IQSEC1: variants seen among roughly 807,000 people sequenced by gnomAD.
The protein encoded by IQSEC1 is IQ motif and Sec7 domain ArfGEF 1.
A neutral mutation model predicts 91.0 loss-of-function variants in IQSEC1; 31 were observed. That is an observed-to-expected ratio of 0.34 (90% CI 0.26 to 0.46). The LOEUF is 0.46. IQSEC1 is among the 20% of genes least tolerant of loss of function. The pLI is 1.00. For synonymous variants in IQSEC1, 699 were observed against 662.6 expected (o/e 1.05, Z -0.84); for missense variants, 1,388 against 1,575.6 (o/e 0.88, Z 2.02).
rs913733603 is a variant in IQSEC1, at chr3:12,908,016, C to T, written c.2755+333G>A. On this transcript the variant is annotated intron_variant, in intron 12 of 13. Coordinates refer to ENST00000613206, the MANE Select transcript of IQSEC1 (RefSeq NM_001134382.3). The surrounding 1 kb of genome is among the most constrained non-coding windows in gnomAD (Gnocchi z 4.9). ...GCGGCCGCACAGAGAGCACGGGACA[C>T]AGCCGCCGGCTCACTCGGGCTAGAG... 6.6e-6 allele frequency among the ~76,000 whole-genome samples: 1 copy of T among 152,222 alleles called. No homozygotes were observed. The highest frequency in any genetic ancestry group is 1.5e-5 in the Non-Finnish European group (1 of 68,034).
chr3:13,172,047 A>G (rs1693626435), intron 1 of IQSEC1, among the ~76,000 whole-genome samples: 1 of 152,212 alleles, frequency 6.6e-6, no homozygotes, highest in Non-Finnish European at 1.5e-5. Flanking sequence ...CCACAGGAGC[A>G]GGTGGGAGAG....
rs1246772349 is a variant in IQSEC1 at position 12,936,440 on chromosome 3, C to T, written c.576G>A (p.Leu192=). Residue 192 remains leucine, a synonymous_variant, in exon 3 of 14, where the codon CTG becomes CTA. Coordinates refer to ENST00000613206, the MANE Select transcript of IQSEC1 (RefSeq NM_001134382.3). ...QVSVTNDGSQ[L]GALVSPECGD... ...CACACTCAGGGGACACCAGGGCTCC[C>T]AGCTGGGAGCCGTCGTTAGTCACTG... The T allele has an allele frequency of 6.2e-7, 1 of 1,604,120 alleles. No homozygotes were observed. Among genetic ancestry groups the T allele is most frequent in the African/African-American group, 1.3e-5 (1 of 74,724 alleles).
chr3:12,995,213 C>G (rs371506145), intron 1 of IQSEC1: 2 of 152,258 alleles, frequency 1.3e-5, no homozygotes, highest in Non-Finnish European at 2.9e-5. Context: ...AGAAGCTGAG[C>G]GAGTGATGTC....
chr3:13,107,282 C>G (rs1706165879), intron 2 of IQSEC1, among the ~76,000 whole-genome samples: 1 of 152,220 alleles, frequency 6.6e-6, no homozygotes, highest in Non-Finnish European at 1.5e-5. Flanking sequence ...AAGCCCTTTC[C>G]TACTTACAAG....
chr3:12,922,314 G>C lies in IQSEC1; in HGVS notation c.1731-72C>G. ...GACACGCCCAGCCCACCCCCAGGTGGTGGTGCCTGAAGCCCTGGGAATGGA... is the reference window on the plus strand; with the variant it reads ...GACACGCCCAGCCCACCCCCAGGTGCTGGTGCCTGAAGCCCTGGGAATGGA... On this transcript the variant is annotated intron_variant, in intron 4 of 13. Coordinates refer to ENST00000613206, the MANE Select transcript of IQSEC1 (RefSeq NM_001134382.3). This position sits in a 1 kb window ranked among gnomAD's most constrained non-coding sequence, Gnocchi z 5.1. 3 of 1,451,610 alleles carry C rather than the reference G, an allele frequency of 2.1e-6. No individual in the cohort carries two copies. Among genetic ancestry groups the C allele is most frequent in the Non-Finnish European group, 2.8e-6 (3 of 1,090,436 alleles). The allele number at this position is 1,451,610 out of a possible 1,614,324, so 89.9% of individuals were successfully genotyped here.
At chr3:13,023,929 G>A (rs1703506571) in intron 1 of IQSEC1, among the ~76,000 whole-genome samples, 2 of 152,150 alleles carry the variant, frequency 1.3e-5, no homozygotes, top group South Asian at 4.1e-4. Flanking sequence ...CACCCCCAAT[G>A]ATGTGAAGCT....
intron 2 of IQSEC1, among the ~76,000 whole-genome samples, chr3:13,120,912 G>A (rs1706412955): frequency 1.3e-5 from 2 of 152,174 alleles, no homozygotes; most frequent in Non-Finnish European, 2.9e-5. Context: ...GCTGCATTAG[G>A]GATTAAATAT....
chr3:13,196,790 G>GT (rs1694137545), intron 1 of IQSEC1, among the ~76,000 whole-genome samples: 2 of 148,012 alleles, frequency 1.4e-5, no homozygotes, highest in East Asian at 4.0e-4. Context: ...GTGTGTGTGT[G>GT]GTGGGGAGCA....
chr3:12,915,229 G>C (rs537067506), intron 7 of IQSEC1, 96 bp from the exon 8 acceptor site: 6 of 1,339,860 alleles, frequency 4.5e-6, no homozygotes, highest in Admixed American at 3.9e-5. Flanking sequence ...CTACCCTTGG[G>C]ATCCACCCAG....
At chr3:13,063,818 G>A (rs543169503) in intron 1 of IQSEC1, among the ~76,000 whole-genome samples, 1 of 152,314 alleles carries the variant, frequency 6.6e-6, no homozygotes, top group Non-Finnish European at 1.5e-5. Flanking sequence ...CAGGTGTCAG[G>A]GAGTGGAGGG....
chr3:12,915,232 C>T (rs1695965079), intron 7 of IQSEC1, 99 bp from the exon 8 acceptor site: 3 of 1,319,868 alleles, frequency 2.3e-6, no homozygotes. Flanking sequence ...CCCTTGGGAT[C>T]CACCCAGCCA....
At chr3:13,129,893 C>T (rs1706582369) in intron 2 of IQSEC1, among the ~76,000 whole-genome samples, 1 of 151,812 alleles carries the variant, frequency 6.6e-6, no homozygotes, top group Non-Finnish European at 1.5e-5. Flanking sequence ...CTCCTGACCT[C>T]ATGATCCACC....
intron 1 of IQSEC1, among the ~76,000 whole-genome samples, chr3:13,035,508 T>G (rs1704001694): frequency 6.6e-6 from 1 of 152,168 alleles, no homozygotes; most frequent in African/African-American, 2.4e-5. Context: ...TCATTTCAAC[T>G]TACTCCATTA....
rs776684248 is a variant in IQSEC1, at chr3:12,936,478, C to T, written c.538G>A (p.Gly180Arg). The T allele has an allele frequency of 1.2e-6, 2 of 1,611,932 alleles. No individual in the cohort carries two copies. Among genetic ancestry groups the T allele is most frequent in the Admixed American group, 3.3e-5 (2 of 59,978 alleles). The change falls in exon 3 of 14, where the codon GGG becomes AGG. Residue 180 changes from glycine to arginine, a missense_variant. Around this residue, in one of 2 missense-constraint regions of IQSEC1, gnomAD observed 1,059 missense variants for 1,317.8 expected, o/e 0.80. Coordinates refer to ENST00000613206, the MANE Select transcript of IQSEC1 (RefSeq NM_001134382.3). ...TCGTTAGTCACTGAGACCTGCTTCC[C>T]CTCGAAGTAGGAGCTGTGCACTTTC... ...PEKVHSSYFE[G>R]KQVSVTNDGS...
chr3:12,944,494 T>C (rs1460430807), intron 1 of IQSEC1, among the ~76,000 whole-genome samples: 3 of 151,962 alleles, frequency 2.0e-5, no homozygotes, highest in Admixed American at 2.0e-4. Context: ...TCCAGGCCTG[T>C]GCACCTCCCT....
intron 1 of IQSEC1, among the ~76,000 whole-genome samples, chr3:13,043,670 C>T (rs138660003): frequency 3.0e-4 from 45 of 152,328 alleles, no homozygotes; most frequent in Non-Finnish European, 5.6e-4. Context: ...CTACAAGCAA[C>T]GACTCCAGGG....
At chr3:13,181,467 C>G (rs762478076) in intron 1 of IQSEC1, among the ~76,000 whole-genome samples, 2 of 152,218 alleles carry the variant, frequency 1.3e-5, no homozygotes, top group Non-Finnish European at 1.5e-5. Context: ...ATACAGAATA[C>G]TCCACATGAC....
At chr3:13,199,293 C>T (rs936786229) in intron 1 of IQSEC1, among the ~76,000 whole-genome samples, 34 of 152,196 alleles carry the variant, frequency 2.2e-4, no homozygotes, top group African/African-American at 8.0e-4. Flanking sequence ...ACACATTTGA[C>T]GCAGTCCTGG....
chr3:13,049,294 G>A (rs1052621648), intron 1 of IQSEC1, among the ~76,000 whole-genome samples: 3 of 152,136 alleles, frequency 2.0e-5, no homozygotes, highest in African/African-American at 7.2e-5. Flanking sequence ...AGGTTCCTGG[G>A]CCCCACAGGC....
Sources: gnomAD v4.1 joint callset for allele counts (sites outside exome capture counted in the v4.1 genomes callset) on GRCh38, gnomAD v4.1.1 for gene constraint, gnomAD v4.1.1 regional missense constraint, Gnocchi (gnomAD v3.1) non-coding constraint, MANE v1.5 for transcripts, NCBI Gene and HGNC (gene_info 2026-07-23, HGNC 2026-07-21) for gene names.